The following MTMR7 variants were observed in gnomAD, a reference collection of about 807,000 sequenced individuals.
MTMR7 encodes phosphatidylinositol-3-phosphate phosphatase MTMR7.
MTMR7 carries 76 observed loss-of-function variants against 81.2 expected under a neutral mutation model. That is an observed-to-expected ratio of 0.94 (90% CI 0.78 to 1.13). MTMR7 has a LOEUF of 1.13. Among genes scored for constraint, MTMR7 ranks in the 50% most tolerant of loss-of-function variants. The pLI is 0.00. For missense variants in MTMR7, 1,044 were observed against 820.0 expected, an observed-to-expected ratio of 1.27 and a Z score of -3.34; for synonymous variants, 372 against 289.8, an observed-to-expected ratio of 1.28 and a Z score of -2.88.
Position 17,368,408 on chromosome 8 carries a change from C to G in MTMR7, c.310+2629G>C, listed in dbSNP as rs531183987. The stretch of plus-strand genomic sequence containing the variant: ...GAAAATATGTGAACTTTGTTGGTGA[C>G]TAACCAGAATATCGAGAGAGCTACA... On this transcript the variant is annotated intron_variant, in intron 3 of 13. Coordinates refer to ENST00000180173, the MANE Select transcript of MTMR7 (RefSeq NM_004686.5). Among the ~76,000 whole-genome samples the G allele has an allele frequency of 3.9e-5, 6 of 152,306 alleles. 1 individual carries two copies. The South Asian group carries it at 1.2e-3, about 32-fold the overall frequency.
At chr8:17,362,961 A>C (rs1820102112) in intron 3 of MTMR7, among the ~76,000 whole-genome samples, 1 of 152,232 alleles carries the variant, frequency 6.6e-6, no homozygotes, top group Admixed American at 6.5e-5. Flanking sequence ...GAGAGTAAGA[A>C]GCAACTGCTG....
chr8:17,305,210 A>G (rs1481045121), intron 11 of MTMR7, among the ~76,000 whole-genome samples: 2 of 152,234 alleles, frequency 1.3e-5, no homozygotes, highest in African/African-American at 4.8e-5. Flanking sequence ...TGTATACACC[A>G]TAGTTAAAAC....
chr8:17,324,605 T>G (rs73210280), intron 7 of MTMR7, among the ~76,000 whole-genome samples: 2 of 152,142 alleles, frequency 1.3e-5, no homozygotes, highest in Non-Finnish European at 2.9e-5. Context: ...AAAGCACACA[T>G]ACTTGATCCA....
intron 3 of MTMR7, among the ~76,000 whole-genome samples, chr8:17,366,885 C>CAAAAAAAAAA (rs1277882494): frequency 3.4e-5 from 3 of 88,190 alleles, no homozygotes; most frequent in African/African-American, 1.2e-4. Flanking sequence ...GACTCCATCT[C>CAAAAAAAAAA]AAAAAAAAAA....
At chr8:17,394,856 TTCAG>T (rs1439545583) in intron 1 of MTMR7, among the ~76,000 whole-genome samples, 1 of 152,142 alleles carries the variant, frequency 6.6e-6, no homozygotes, top group East Asian at 1.9e-4. Flanking sequence ...GACAAATTCA[TTCAG>T]TCAGTAAGTA....
intron 4 of MTMR7, among the ~76,000 whole-genome samples, chr8:17,358,869 C>CA (rs147593169): frequency 0.031 from 4,666 of 151,582 alleles, 250 homozygotes; most frequent in African/African-American, 0.11. Context: ...ATTCATATGG[C>CA]AAAAAAAAGT....
chr8:17,351,435 C>A (rs574763504), intron 4 of MTMR7, among the ~76,000 whole-genome samples: 1 of 152,240 alleles, frequency 6.6e-6, no homozygotes, highest in Non-Finnish European at 1.5e-5. Flanking sequence ...CAGAGGCCCA[C>A]TCTCCTTGGC....
At chr8:17,322,582 G>A (rs1471423454) in intron 7 of MTMR7, among the ~76,000 whole-genome samples, 1 of 152,184 alleles carries the variant, frequency 6.6e-6, no homozygotes, top group African/African-American at 2.4e-5. Context: ...AACTTTGGGA[G>A]GCCAAGGCAG....
intron 1 of MTMR7, among the ~76,000 whole-genome samples, chr8:17,387,166 T>A (rs530075879): frequency 6.6e-6 from 1 of 152,340 alleles, no homozygotes; most frequent in South Asian, 2.1e-4. Context: ...TGTACCAGCA[T>A]CTATGCATGT....
chr8:17,377,051 GT>G (rs66966437), intron 1 of MTMR7, among the ~76,000 whole-genome samples: 13,361 of 150,998 alleles, frequency 0.088, 844 homozygotes, highest in Non-Finnish European at 0.14. Context: ...ATTTTGATTT[GT>G]TTTTTTTCTT....
intron 1 of MTMR7, among the ~76,000 whole-genome samples, chr8:17,409,658 TAACTC>T (rs1268784157): frequency 2.0e-5 from 3 of 152,060 alleles, no homozygotes; most frequent in Non-Finnish European, 4.4e-5. Context: ...TAAATGAACA[TAACTC>T]AAATAAATTT....
chr8:17,361,280 A>C lies in MTMR7; in HGVS notation c.311-6T>G. ...GTATAACTCCTCATATTTCACTGCA[A>C]GAAAAGGTAGGATAAAGTTAAATCA... On this transcript the variant is annotated splice_polypyrimidine_tract_variant and splice_region_variant and intron_variant, in intron 3 of 13. Coordinates refer to ENST00000180173, the MANE Select transcript of MTMR7 (RefSeq NM_004686.5). 6.2e-7 allele frequency: 1 copy of C among 1,614,100 alleles called. No homozygotes were observed. Among genetic ancestry groups the C allele is most frequent in the Non-Finnish European group, 8.5e-7 (1 of 1,179,930 alleles).
chr8:17,301,883 A>C, intron 13 of MTMR7: 1 of 436,612 alleles, frequency 2.3e-6, no homozygotes, highest in South Asian at 6.9e-5. Context: ...ACTACTCTCA[A>C]ATAACAGTAA....
rs568825511 is a variant in MTMR7, at chr8:17,310,103, C to T, written c.1102-777G>A. ...ACACCCTTGACCTCCTGAGCTCGAG[C>T]GATCCTCCCACCTCAGCCCAAGTAG... On this transcript the variant is annotated intron_variant, in intron 9 of 13. Transcript: ENST00000180173. Among the ~76,000 whole-genome samples the T allele has an allele frequency of 3.3e-5, 5 of 152,228 alleles. 1 individual carries two copies. Among genetic ancestry groups the T allele is most frequent in the African/African-American group, 7.2e-5 (3 of 41,548 alleles).
intron 4 of MTMR7, among the ~76,000 whole-genome samples, chr8:17,360,833 C>T (rs1820036770): frequency 6.6e-6 from 1 of 152,102 alleles, no homozygotes; most frequent in African/African-American, 2.4e-5. Flanking sequence ...GCTCTCCCAC[C>T]AACTGCCTGT....
intron 1 of MTMR7, among the ~76,000 whole-genome samples, chr8:17,385,475 A>C (rs1014673660): frequency 6.6e-6 from 1 of 152,194 alleles, no homozygotes; most frequent in African/African-American, 2.4e-5. Context: ...GCTTCCCTGC[A>C]TAAGCCTTCT....
intron 7 of MTMR7, among the ~76,000 whole-genome samples, chr8:17,321,997 T>TA (rs5889706): frequency 0.39 from 59,679 of 151,730 alleles, 13,010 homozygotes; most frequent in East Asian, 0.78. Context: ...ATGCAATTGC[T>TA]GGTGGGGTCA....
At chr8:17,328,370 A>G (rs1282142345) in intron 7 of MTMR7, among the ~76,000 whole-genome samples, 1 of 152,184 alleles carries the variant, frequency 6.6e-6, no homozygotes, top group Non-Finnish European at 1.5e-5. Flanking sequence ...GCTGATAATA[A>G]TAGGCTGGCC....
chr8:17,388,556 C>A (rs1055738311), intron 1 of MTMR7, among the ~76,000 whole-genome samples: 2 of 152,194 alleles, frequency 1.3e-5, no homozygotes, highest in Admixed American at 1.3e-4. Flanking sequence ...TTTCCTTTAA[C>A]GATATTTCTA....
Sources: allele counts gnomAD v4.1 joint callset (sites outside exome capture counted in the v4.1 genomes callset), GRCh38; gene constraint gnomAD v4.1.1; transcripts MANE v1.5; gene names NCBI Gene and HGNC (gene_info 2026-07-23, HGNC 2026-07-21).